IRAK1BP1: variants seen among roughly 807,000 people sequenced by gnomAD.
The protein encoded by IRAK1BP1 is interleukin 1 receptor associated kinase 1 binding protein 1.
In IRAK1BP1, 24 loss-of-function variants were observed where a neutral mutation model predicts 28.0. That is an observed-to-expected ratio of 0.86 (90% CI 0.62 to 1.20). IRAK1BP1 has a LOEUF of 1.20. IRAK1BP1 is among the 50% of genes most tolerant of loss of function. The probability of loss-of-function intolerance (pLI) is 0.00; values close to 1 mark genes in which losing one functional copy is unlikely to be tolerated. For missense variants in IRAK1BP1, 336 were observed against 316.7 expected (o/e 1.06, Z -0.46); for synonymous variants, 131 against 116.3 (o/e 1.13, Z -0.81).
the IRAK1BP1 span, chr6:78,958,447 C>T: frequency 3.9e-6 from 5 of 1,270,534 alleles, no homozygotes; most frequent in Non-Finnish European, 4.6e-6. Flanking sequence ...TTAAAACTAT[C>T]ATAATTACAT....
At chr6:78,961,083 A>G in the IRAK1BP1 span, among the ~76,000 whole-genome samples, 1 of 152,080 alleles carries the variant, frequency 6.6e-6, no homozygotes, top group Non-Finnish European at 1.5e-5. Context: ...CATTTTAGGT[A>G]ATAATAAAGC....
At chr6:78,958,585 T>C in the IRAK1BP1 span, 1 of 1,569,068 alleles carries the variant, frequency 6.4e-7, no homozygotes, top group Admixed American at 1.7e-5. Context: ...CTTCCCACAT[T>C]AGGGAAGAAA....
chr6:78,978,003 A>G, the IRAK1BP1 span, among the ~76,000 whole-genome samples: 3 of 152,184 alleles, frequency 2.0e-5, no homozygotes, highest in African/African-American at 4.8e-5. Context: ...AAATTTGTGT[A>G]CAAAACAAGG....
At chr6:78,962,290 A>G in the IRAK1BP1 span, among the ~76,000 whole-genome samples, 1 of 152,184 alleles carries the variant, frequency 6.6e-6, no homozygotes, top group Non-Finnish European at 1.5e-5. Flanking sequence ...ATTCAGTGAT[A>G]CTGACCCAAT....
At chr6:78,935,117 C>T (rs138704146) in intron 4 of IRAK1BP1, among the ~76,000 whole-genome samples, 46 of 152,208 alleles carry the variant, frequency 3.0e-4, no homozygotes, top group African/African-American at 1.1e-3. Context: ...AGAGTGGTTG[C>T]TGAAAGGTAA....
exon 5 of IRAK1BP1, chr6:78,945,550 A>T (rs1773766595): frequency 9.0e-7 from 1 of 1,113,358 alleles, no homozygotes. Context: ...CCTAAAGATA[A>T]GAAAAAAGGT....
At chr6:78,891,236 T>C (rs1442876148) in intron 2 of IRAK1BP1, among the ~76,000 whole-genome samples, 1 of 152,098 alleles carries the variant, frequency 6.6e-6, no homozygotes, top group Non-Finnish European at 1.5e-5. Context: ...AGAAAAGAAA[T>C]GCAATCATAG....
chr6:78,867,612 C>T lies in IRAK1BP1; in HGVS notation c.36C>T (p.Phe12=), dbSNP rs919551752. ...SLQKTPPTRV[F]VELVPWADRS... ...AAAAGACCCCTCCGACCCGAGTGTT[C>T]GTGGAACTGGTTCCCTGGGCTGACC... is the stretch of plus-strand genomic sequence containing the variant. The change falls in exon 1 of 4, where the codon TTC becomes TTT. Residue 12 remains phenylalanine, a synonymous_variant. Transcript: ENST00000369940. The T allele has an allele frequency of 1.2e-6, 2 of 1,614,090 alleles. No homozygotes were observed. Among genetic ancestry groups the T allele is most frequent in the Non-Finnish European group, 1.7e-6 (2 of 1,180,032 alleles).
At chr6:78,964,906 T>C in the IRAK1BP1 span, among the ~76,000 whole-genome samples, 1 of 152,260 alleles carries the variant, frequency 6.6e-6, no homozygotes, top group Non-Finnish European at 1.5e-5. Context: ...AATATCCTTC[T>C]AATCCCTTTT....
chr6:78,967,202 G>A, the IRAK1BP1 span, among the ~76,000 whole-genome samples: 1 of 152,118 alleles, frequency 6.6e-6, no homozygotes, highest in Non-Finnish European at 1.5e-5. Flanking sequence ...TGATAAAAAA[G>A]AAAATTGGAG....
At chr6:78,954,871 T>C in the IRAK1BP1 span, 3 of 1,585,780 alleles carry the variant, frequency 1.9e-6, no homozygotes, top group East Asian at 2.3e-5. Context: ...CACATTGAAA[T>C]ATGAGATTTA....
the IRAK1BP1 span, chr6:78,965,724 T>A: frequency 1.3e-6 from 2 of 1,570,664 alleles, no homozygotes; most frequent in Non-Finnish European, 1.7e-6. Context: ...ATAAGCTCCA[T>A]ATCCCAAGGA....
At chr6:78,966,288 T>A in the IRAK1BP1 span, among the ~76,000 whole-genome samples, 12 of 152,340 alleles carry the variant, frequency 7.9e-5, no homozygotes, top group African/African-American at 2.6e-4. Context: ...TTTTTTATAT[T>A]TCATTAAGGT....
At chr6:78,873,838 C>G (rs765838322) in intron 1 of IRAK1BP1, among the ~76,000 whole-genome samples, 2 of 152,172 alleles carry the variant, frequency 1.3e-5, no homozygotes, top group African/African-American at 2.4e-5. Context: ...GATATGTGTA[C>G]TGTGCTTGGA....
chr6:78,867,666 G>A lies in IRAK1BP1; in HGVS notation c.90G>A (p.Gly30=), dbSNP rs1477239662. ...GCCGGGAGAACAACCTGGCCTCAGG[G>A]AGAGAGACGCTACCGGGCTTACGCC... The part of the protein sequence containing the change: ...DRSRENNLAS[G]RETLPGLRHP... Residue 30 remains glycine, a synonymous_variant, in exon 1 of 4, where the codon GGG becomes GGA. Coordinates refer to ENST00000369940, the MANE Select transcript of IRAK1BP1 (RefSeq NM_001010844.4). 1 of 1,614,238 alleles carries A rather than the reference G, an allele frequency of 6.2e-7. No individual in the cohort carries two copies. The highest frequency in any genetic ancestry group is 2.2e-5 in the East Asian group (1 of 44,874).
rs1772040601 is a variant in IRAK1BP1 at position 78,900,074 on chromosome 6, GTTAAAA to G, written c.*1746_*1751del. 6.6e-6 allele frequency: 1 copy of G among 152,064 alleles called. No homozygotes were observed. The highest frequency in any genetic ancestry group is 1.5e-5 in the Non-Finnish European group (1 of 68,018). 9.4% of individuals were successfully genotyped at this position (152,064 alleles called of 1,614,324 possible). On this transcript the variant is annotated 3_prime_UTR_variant, in exon 4 of 4. Transcript: ENST00000369940. ...GGATCAAGTATCAGTTTTTAAATTA[GTTAAAA>G]TTAAATAAAATTTAAAATTTAGTTC... is the stretch of plus-strand genomic sequence containing the variant.
chr6:78,962,961 A>T, the IRAK1BP1 span: 1 of 674,710 alleles, frequency 1.5e-6, no homozygotes, highest in Non-Finnish European at 2.5e-6. Context: ...ACATTCAAAA[A>T]GAGATTCCAC....
chr6:78,890,138 GA>G (rs879568803), intron 2 of IRAK1BP1, among the ~76,000 whole-genome samples: 1 of 152,036 alleles, frequency 6.6e-6, no homozygotes, highest in Non-Finnish European at 1.5e-5. Context: ...GATGAAGCTG[GA>G]AACCATCATT....
the IRAK1BP1 span, chr6:78,970,066 G>T: frequency 1.2e-6 from 2 of 1,613,390 alleles, no homozygotes; most frequent in Non-Finnish European, 1.7e-6. Flanking sequence ...TAAATGATCC[G>T]CCAGTCAGTT....
Sources: gnomAD v4.1 joint callset for allele counts (sites outside exome capture counted in the v4.1 genomes callset) on GRCh38, gnomAD v4.1.1 for gene constraint, MANE v1.5 for transcripts, NCBI Gene and HGNC (gene_info 2026-07-23, HGNC 2026-07-21) for gene names.